MRC2: variants seen among roughly 807,000 people sequenced by gnomAD.
MRC2 encodes the protein C-type mannose receptor 2.
Under a neutral mutation model 206.2 loss-of-function variants are expected in MRC2, and 84 were observed. The ratio of observed to expected loss-of-function variants is 0.41; its 90% CI spans 0.34 to 0.49. The LOEUF is 0.49. Among genes scored for constraint, MRC2 ranks in the 20% least tolerant of loss-of-function variants. The pLI, the probability that MRC2 is intolerant of heterozygous loss-of-function variation, is 0.31. For missense variants in MRC2, 1,676 were observed against 2,001.5 expected (o/e 0.84, Z 3.10); for synonymous variants, 798 against 800.0 (o/e 1.00, Z 0.04).
chr17:62,645,952 G>A (rs1011157390), intron 1 of MRC2, among the ~76,000 whole-genome samples: 1 of 151,784 alleles, frequency 6.6e-6, no homozygotes, highest in Non-Finnish European at 1.5e-5. Context: ...TGGCTACATA[G>A]GGTTCTGTTG....
chr17:62,637,403 G>T (rs1274189009), intron 1 of MRC2, among the ~76,000 whole-genome samples: 1 of 151,496 alleles, frequency 6.6e-6, no homozygotes, highest in Non-Finnish European at 1.5e-5. Context: ...GGGCATGGTG[G>T]CACATGCCTG....
At chr17:62,670,799 C>T (rs2088817967) in intron 6 of MRC2, among the ~76,000 whole-genome samples, 3 of 152,118 alleles carry the variant, frequency 2.0e-5, no homozygotes, top group South Asian at 4.2e-4. Flanking sequence ...CTCGGTTGCC[C>T]GTCCACCAAG....
rs1304387692 is a variant in MRC2, at chr17:62,690,644, G to A, written c.3895G>A (p.Gly1299Ser). ...ACGTGGGCCTTCTTTGCATCCAGCGGGTGGGGCCGTCCTGTCTATCCTGGA... is the reference window on the plus strand; with the variant it reads ...ACGTGGGCCTTCTTTGCATCCAGCGAGTGGGGCCGTCCTGTCTATCCTGGA... Reference protein sequence around the residue: ...KEARQRCQRAGGAVLSILDEM... With the variant: ...KEARQRCQRASGAVLSILDEM... The change falls in exon 27 of 30, where the codon GGT becomes AGT. Residue 1299 changes from glycine (G) to serine (S), a missense_variant and splice_region_variant. This residue lies in a region of MRC2 where 1,354 missense variants were observed against 1,636.6 expected (regional missense o/e 0.83). Transcript: ENST00000303375. The A allele has an allele frequency of 2.5e-6, 4 of 1,603,528 alleles. No homozygotes were observed. The highest frequency in any genetic ancestry group is 1.7e-6 in the Non-Finnish European group (2 of 1,175,026).
chr17:62,650,144 C>T (rs1307296604), intron 1 of MRC2, among the ~76,000 whole-genome samples: 1 of 152,202 alleles, frequency 6.6e-6, no homozygotes, highest in Non-Finnish European at 1.5e-5. Flanking sequence ...ATCTGCCTGC[C>T]TCTGCCTCCC....
Position 62,656,058 on chromosome 17 carries a change from T to C in MRC2, c.119-8490T>C, listed in dbSNP as rs574555923. 1.1e-3 allele frequency among the ~76,000 whole-genome samples: 163 copies of C among 152,110 alleles called. 1 individual carries two copies. The highest frequency in any genetic ancestry group is 3.8e-3 in the African/African-American group (159 of 41,504). On this transcript the variant is annotated intron_variant, in intron 1 of 29. Transcript: ENST00000303375. Reference sequence around the variant, plus strand: ...GCACATGCCACCACACCTGGCTAATTTTTTTTTGAGATGGAACATCACTCT... The same window carrying C: ...GCACATGCCACCACACCTGGCTAATCTTTTTTTGAGATGGAACATCACTCT...
chr17:62,641,302 C>T (rs1447505757), intron 1 of MRC2, among the ~76,000 whole-genome samples: 1 of 143,292 alleles, frequency 7.0e-6, no homozygotes, highest in African/African-American at 2.6e-5. Context: ...GCCAACAGAC[C>T]GAGACTGTCT....
In MRC2 at chr17:62,652,198, A is replaced by G. The variant is rs2088563532; in HGVS notation, c.119-12350A>G. Among the ~76,000 whole-genome samples, 1 of 152,212 alleles carries G rather than the reference A, an allele frequency of 6.6e-6. No homozygotes were observed. ...CCCCAAATTCGTATGGATGTCTCCT[A>G]ATAAAGTCACGCAGTCACTCACTGG... On this transcript the variant is annotated intron_variant, in intron 1 of 29. Transcript: ENST00000303375. This position sits in a 1 kb window ranked among gnomAD's most constrained non-coding sequence, Gnocchi z 4.6.
At chr17:62,646,963 GA>G (rs1284210425) in intron 1 of MRC2, among the ~76,000 whole-genome samples, 1 of 152,096 alleles carries the variant, frequency 6.6e-6, no homozygotes, top group Admixed American at 6.5e-5. Context: ...ATGTACCCCA[GA>G]ATTGCTTGGG....
In MRC2 at chr17:62,690,779, G is replaced by A. The variant is rs1482643134; in HGVS notation, c.4012+18G>A. The A allele has an allele frequency of 6.3e-7, 1 of 1,586,342 alleles. No homozygotes were observed. The highest frequency in any genetic ancestry group is 1.3e-5 in the African/African-American group (1 of 74,264). On this transcript the variant is annotated intron_variant, in intron 27 of 29. Transcript: ENST00000303375. Reference sequence around the variant, plus strand: ...CCCCAAAGGTGGGTGCCCTGTGTGTGGGGTGGAGAGGTCAAGCCTCAGGCT... The same window carrying A: ...CCCCAAAGGTGGGTGCCCTGTGTGTAGGGTGGAGAGGTCAAGCCTCAGGCT...
intron 23 of MRC2, 96 bp from the exon 24 acceptor site, chr17:62,689,426 G>C (rs1598998992): frequency 1.2e-6 from 1 of 817,892 alleles, no homozygotes; most frequent in Non-Finnish European, 1.9e-6. Context: ...GTGGAGACCG[G>C]GTCTTTGCCT....
Position 62,674,167 on chromosome 17 carries a change from G to T in MRC2, c.1566G>T (p.Arg522=), listed in dbSNP as rs752287130. 6 of 1,547,352 alleles carry T rather than the reference G, an allele frequency of 3.9e-6. No homozygotes were observed. In the African/African-American group the frequency reaches 8.2e-5, roughly 21 times the overall value. ...CCGCCGAGGAGGACCATGGCTGCCG[G>T]AAGGTGAGGGTGTTTCTGGAGCTGC... ...QGAAEEDHGC[R]KGWTWHSPSC... Residue 522 remains arginine, a synonymous_variant, in exon 9 of 30, where the codon CGG becomes CGT. Coordinates refer to ENST00000303375, the MANE Select transcript of MRC2 (RefSeq NM_006039.5).
chr17:62,689,826 GC>G, intron 24 of MRC2, 66 bp downstream of exon 24: 1 of 1,538,394 alleles, frequency 6.5e-7, no homozygotes, highest in South Asian at 1.2e-5. Flanking sequence ...GCCCCTTCCT[GC>G]CCCCGCCTTA....
At position 62,627,796 on chromosome 17, in the gene MRC2, C is replaced by T; in HGVS notation, c.-7C>T. 7.0e-7 allele frequency: 1 copy of T among 1,425,372 alleles called. No individual in the cohort carries two copies. Among genetic ancestry groups the T allele is most frequent in the Non-Finnish European group, 9.1e-7 (1 of 1,099,126 alleles). The allele number at this position is 1,425,372 out of a possible 1,614,324, so 88.3% of individuals were successfully genotyped here. ...GTCCCCGCGTCCACTGAGCGCCGCG[C>T]TCGGGGATGGGGCCCGGCCGGCCGG... On this transcript the variant is annotated 5_prime_UTR_variant, in exon 1 of 30. Transcript: ENST00000303375.
intron 1 of MRC2, among the ~76,000 whole-genome samples, chr17:62,646,471 T>C (rs2088487162): frequency 6.6e-6 from 1 of 152,200 alleles, no homozygotes; most frequent in Non-Finnish European, 1.5e-5. Context: ...TCATTTCTCA[T>C]TGTCACTGAT....
chr17:62,673,127 G>A, intron 8 of MRC2, among the ~76,000 whole-genome samples: 1 of 152,170 alleles, frequency 6.6e-6, no homozygotes, highest in Non-Finnish European at 1.5e-5. Context: ...TGCCTTAGGG[G>A]ATGCTATTTA....
Position 62,688,909 on chromosome 17 carries a change from G to A in MRC2, c.3283G>A (p.Asp1095Asn), listed in dbSNP as rs1252662599. Residue 1095 changes from aspartate to asparagine, a missense_variant, in exon 23 of 30, where the codon GAT becomes AAT. Asp to Asn is a conservative substitution (Grantham distance 23, BLOSUM62 1). Coordinates refer to ENST00000303375, the MANE Select transcript of MRC2 (RefSeq NM_006039.5). ...PSAHFTGRWD[D>N]RSCTEETHGF... is the part of the protein sequence containing the mutation. ...AGCCCACTTCACTGGCCGCTGGGAC[G>A]ATCGGAGCTGCACGGAGGAGACCCA... 2.5e-6 allele frequency: 4 copies of A among 1,613,722 alleles called. No homozygotes were observed. The highest frequency in any genetic ancestry group is 3.4e-6 in the Non-Finnish European group (4 of 1,180,020).
intron 1 of MRC2, among the ~76,000 whole-genome samples, chr17:62,659,043 T>G (rs1275552500): frequency 6.6e-6 from 1 of 152,136 alleles, no homozygotes; most frequent in Non-Finnish European, 1.5e-5. Flanking sequence ...AAGATCAAGG[T>G]TCCTGCCGAT....
At chr17:62,640,034 T>A (rs968137209) in intron 1 of MRC2, among the ~76,000 whole-genome samples, 1,835 of 99,548 alleles carry the variant, frequency 0.018, 39 homozygotes, top group African/African-American at 0.064. Flanking sequence ...TTTTTTTTTT[T>A]TTTTTTTGTA....
chr17:62,660,363 C>T (rs936027559), intron 1 of MRC2, among the ~76,000 whole-genome samples: 1 of 152,140 alleles, frequency 6.6e-6, no homozygotes, highest in African/African-American at 2.4e-5. Context: ...TACAGATTCT[C>T]CTTAAATCCT....
Sources: allele counts gnomAD v4.1 joint callset (sites outside exome capture counted in the v4.1 genomes callset), GRCh38; gene constraint gnomAD v4.1.1; regional missense constraint gnomAD v4.1.1; non-coding constraint Gnocchi (gnomAD v3.1); transcripts MANE v1.5; gene names NCBI Gene and HGNC (gene_info 2026-07-23, HGNC 2026-07-21).